RIN3: variants seen among roughly 807,000 people sequenced by gnomAD.
RIN3 encodes RAB5 interacting protein 3.
Under a neutral mutation model 76.3 loss-of-function variants are expected in RIN3, and 54 were observed. The ratio of observed to expected loss-of-function variants is 0.71; its 90% CI spans 0.57 to 0.89. The LOEUF (loss-of-function observed/expected upper bound fraction) is 0.89. RIN3 is among the 40% of genes least tolerant of loss of function. The pLI is 0.00. For synonymous variants in RIN3, 576 were observed against 564.0 expected, an observed-to-expected ratio of 1.02 and a Z score of -0.30; for missense variants, 1,256 against 1,322.1, an observed-to-expected ratio of 0.95 and a Z score of 0.78.
chr14:92,652,452 G>C lies in RIN3; in HGVS notation c.1403G>C (p.Arg468Pro). 8 of 1,613,794 alleles carry C rather than the reference G, an allele frequency of 5.0e-6. No homozygotes were observed. The highest frequency in any genetic ancestry group is 6.8e-6 in the Non-Finnish European group (8 of 1,179,990). ...VPPPRKKRIS[R>P]QLASTLPAPL... ...CCCCCCAGGAAAAAACGGATCTCTC[G>C]ACAACTGGCCTCGACCCTCCCAGCT... Residue 468 changes from arginine to proline, a missense_variant, in exon 6 of 10, where the codon CGA (arginine) becomes CCA (proline). By Grantham distance (103) the Arg-to-Pro change is moderately radical. Around this residue, in one of 3 missense-constraint regions of RIN3, gnomAD observed 428 missense variants for 521.2 expected, o/e 0.82. Transcript: ENST00000216487. The surrounding 1 kb of genome is among the most constrained non-coding windows in gnomAD (Gnocchi z 6.4).
chr14:92,590,328 T>C (rs923180221), intron 3 of RIN3, among the ~76,000 whole-genome samples: 3 of 152,162 alleles, frequency 2.0e-5, no homozygotes, highest in Non-Finnish European at 4.4e-5. Context: ...TGAATTGCAA[T>C]CCCCAATGCT....
At chr14:92,561,934 C>T (rs1001464524) in intron 2 of RIN3, among the ~76,000 whole-genome samples, 16 of 152,226 alleles carry the variant, frequency 1.1e-4, no homozygotes, top group African/African-American at 3.9e-4. Flanking sequence ...AATCCTCCCA[C>T]CTCGGCCTCC....
At chr14:92,617,631 A>G (rs1050035960) in intron 4 of RIN3, among the ~76,000 whole-genome samples, 2 of 152,224 alleles carry the variant, frequency 1.3e-5, no homozygotes, top group African/African-American at 4.8e-5. Context: ...AATAGTAAGA[A>G]ATTGGAGTAT....
chr14:92,617,159 G>A (rs953119882), intron 4 of RIN3, among the ~76,000 whole-genome samples: 2 of 152,068 alleles, frequency 1.3e-5, no homozygotes, highest in African/African-American at 4.8e-5. Flanking sequence ...AATTAGCTGG[G>A]CGTAGTGGCG....
At chr14:92,605,277 G>T (rs933447270) in intron 3 of RIN3, among the ~76,000 whole-genome samples, 1 of 152,172 alleles carries the variant, frequency 6.6e-6, no homozygotes, top group Non-Finnish European at 1.5e-5. Flanking sequence ...AATACATAAT[G>T]AAAAATGCCC....
At chr14:92,641,718 C>A (rs771856499) in intron 5 of RIN3, among the ~76,000 whole-genome samples, 3 of 152,182 alleles carry the variant, frequency 2.0e-5, no homozygotes, top group Admixed American at 6.5e-5. Flanking sequence ...ATGAATGTGA[C>A]CATGAACTTG....
chr14:92,537,073 TG>T (rs1368779766), intron 1 of RIN3, among the ~76,000 whole-genome samples: 1 of 152,176 alleles, frequency 6.6e-6, no homozygotes, highest in African/African-American at 2.4e-5. Context: ...TTCATGTCCC[TG>T]TTTATACCCC....
chr14:92,571,841 C>T (rs933517284), intron 2 of RIN3, among the ~76,000 whole-genome samples: 41 of 152,230 alleles, frequency 2.7e-4, no homozygotes, highest in African/African-American at 7.2e-4. Flanking sequence ...GCACATAGGG[C>T]GAGGTCTGGG....
At chr14:92,576,554 C>A (rs532588053) in intron 2 of RIN3, among the ~76,000 whole-genome samples, 1 of 152,170 alleles carries the variant, frequency 6.6e-6, no homozygotes, top group Non-Finnish European at 1.5e-5. Context: ...GTCCGGGGGC[C>A]GAATCCAGTT....
chr14:92,658,307 G>A (rs1241264266), intron 6 of RIN3, among the ~76,000 whole-genome samples: 2 of 152,224 alleles, frequency 1.3e-5, no homozygotes, highest in African/African-American at 2.4e-5. Flanking sequence ...ACTGCGAGGC[G>A]ACTGCACCAC....
At chr14:92,677,192 A>G (rs1888498409) in intron 8 of RIN3, among the ~76,000 whole-genome samples, 1 of 152,272 alleles carries the variant, frequency 6.6e-6, no homozygotes. Context: ...GTGCTCCCCA[A>G]TAGGATGAAG....
At chr14:92,540,108 A>G (rs1321401967) in intron 1 of RIN3, among the ~76,000 whole-genome samples, 1 of 152,240 alleles carries the variant, frequency 6.6e-6, no homozygotes, top group Non-Finnish European at 1.5e-5. Context: ...GAAGGCCTGC[A>G]GCGCACACAG....
intron 1 of RIN3, among the ~76,000 whole-genome samples, chr14:92,537,566 C>A (rs938110920): frequency 2.0e-5 from 3 of 149,542 alleles, no homozygotes; most frequent in African/African-American, 7.4e-5. Flanking sequence ...ATAGAAGTTA[C>A]TGAATTGCCC....
chr14:92,676,633 G>A (rs373112024), intron 8 of RIN3, 27 bp downstream of exon 8: 19 of 1,608,538 alleles, frequency 1.2e-5, no homozygotes, highest in South Asian at 2.2e-5. Flanking sequence ...TGCCCATCAG[G>A]TGCATTGCAC....
chr14:92,575,321 G>C (rs886569281), intron 2 of RIN3, among the ~76,000 whole-genome samples: 2 of 152,046 alleles, frequency 1.3e-5, no homozygotes, highest in African/African-American at 4.8e-5. Flanking sequence ...ACCAGAAAGG[G>C]CTCCCGATCC....
chr14:92,566,973 A>T (rs730100), intron 2 of RIN3, among the ~76,000 whole-genome samples: 1,651 of 152,272 alleles, frequency 0.011, 30 homozygotes, highest in African/African-American at 0.037. Context: ...TGCTTATTTA[A>T]CACCAGTGGG....
Position 92,656,033 on chromosome 14 carries a change from C to G in RIN3, c.2026+2958C>G, listed in dbSNP as rs1002638632. Among the ~76,000 whole-genome samples the G allele has an allele frequency of 6.6e-6, 1 of 152,234 alleles. No individual in the cohort carries two copies. Among genetic ancestry groups the G allele is most frequent in the Admixed American group, 6.5e-5 (1 of 15,290 alleles). On this transcript the variant is annotated intron_variant, in intron 6 of 9. Transcript: ENST00000216487. The surrounding 1 kb of genome is among the most constrained non-coding windows in gnomAD (Gnocchi z 5.2). ...GGATGAGATCATCCGGGTCTGAGGA[C>G]TGAGCCACAGGCACCGTGCAGACCA...
In RIN3 at chr14:92,659,455, C is replaced by T. The variant is rs1338754411; in HGVS notation, c.2321C>T (p.Ala774Val). The T allele has an allele frequency of 6.2e-7, 1 of 1,603,468 alleles. No individual in the cohort carries two copies. Among genetic ancestry groups the T allele is most frequent in the Admixed American group, 1.7e-5 (1 of 58,856 alleles). The change falls in exon 7 of 10, where the codon GCC becomes GTC. Residue 774 changes from alanine (A) to valine (V), a missense_variant. Coordinates refer to ENST00000216487, the MANE Select transcript of RIN3 (RefSeq NM_024832.5). ...KTCKLIYDSMALGNPGKPYGA... is the reference protein window; with the variant it reads ...KTCKLIYDSMVLGNPGKPYGA... The stretch of plus-strand genomic sequence containing the variant: ...TGCAAACTCATCTACGACTCCATGG[C>T]CCTCGGCAACCCAGGTCAGTGGGCA...
At chr14:92,635,801 T>G (rs1886753495) in intron 4 of RIN3, among the ~76,000 whole-genome samples, 1 of 151,994 alleles carries the variant, frequency 6.6e-6, no homozygotes, top group Non-Finnish European at 1.5e-5. Context: ...TGCAGTGAGC[T>G]GAGATCACAC....
Sources: allele counts gnomAD v4.1 joint callset (sites outside exome capture counted in the v4.1 genomes callset), GRCh38; gene constraint gnomAD v4.1.1; regional missense constraint gnomAD v4.1.1; non-coding constraint Gnocchi (gnomAD v3.1); transcripts MANE v1.5; gene names NCBI Gene and HGNC (gene_info 2026-07-23, HGNC 2026-07-21).